Variants in PRORP observed in about 807,000 individuals in gnomAD.
PRORP encodes the protein mitochondrial ribonuclease P catalytic subunit.
Under a neutral mutation model 59.4 loss-of-function variants are expected in PRORP, and 51 were observed. The ratio of observed to expected loss-of-function variants is 0.86; its 90% CI spans 0.69 to 1.08. PRORP has a LOEUF of 1.08. Ranked by LOEUF, PRORP falls within the 50% of genes least tolerant of loss-of-function variation. The probability of loss-of-function intolerance (pLI) is 0.00; values close to 1 mark genes in which losing one functional copy is unlikely to be tolerated. For synonymous variants in PRORP, 231 were observed against 245.6 expected (o/e 0.94, Z 0.55); for missense variants, 646 against 690.3 (o/e 0.94, Z 0.72).
At chr14:35,249,916 T>C (rs1316757751) in intron 5 of PRORP, among the ~76,000 whole-genome samples, 1 of 152,100 alleles carries the variant, frequency 6.6e-6, no homozygotes, top group Non-Finnish European at 1.5e-5. Context: ...ACTAAATCAC[T>C]TTACATCCTC....
chr14:35,202,670 C>A (rs1388012478), intron 5 of PRORP, among the ~76,000 whole-genome samples: 1 of 152,056 alleles, frequency 6.6e-6, no homozygotes, highest in East Asian at 1.9e-4. Flanking sequence ...CCTTCTATCA[C>A]CCAGGCTGGA....
At chr14:35,216,323 T>A (rs2049593820) in intron 5 of PRORP, among the ~76,000 whole-genome samples, 1 of 151,292 alleles carries the variant, frequency 6.6e-6, no homozygotes, top group Non-Finnish European at 1.5e-5. Flanking sequence ...GTTGTTGTTG[T>A]TGTTTTGACA....
At chr14:35,250,441 G>A (rs149882178) in intron 5 of PRORP, among the ~76,000 whole-genome samples, 115 of 152,180 alleles carry the variant, frequency 7.6e-4, no homozygotes, top group South Asian at 1.7e-3. Flanking sequence ...AACTTCCTCC[G>A]GTTCCTGAAG....
intron 5 of PRORP, among the ~76,000 whole-genome samples, chr14:35,247,426 C>T (rs1377904686): frequency 6.6e-6 from 1 of 152,090 alleles, no homozygotes; most frequent in Non-Finnish European, 1.5e-5. Flanking sequence ...TACCAGAAAA[C>T]AGAATCCATA....
At chr14:35,148,215 C>T (rs957167955) in intron 4 of PRORP, among the ~76,000 whole-genome samples, 3 of 152,234 alleles carry the variant, frequency 2.0e-5, no homozygotes, top group Admixed American at 1.3e-4. Flanking sequence ...TCAGAGCAAT[C>T]ACTGTCTATG....
At chr14:35,126,872 G>A (rs2047111474) in intron 3 of PRORP, 90 bp downstream of exon 3, 1 of 931,696 alleles carries the variant, frequency 1.1e-6, no homozygotes, top group African/African-American at 1.7e-5. Flanking sequence ...AACACCTTAA[G>A]GGTAGGATAA....
chr14:35,209,955 C>T (rs976255958), intron 5 of PRORP, among the ~76,000 whole-genome samples: 1 of 152,166 alleles, frequency 6.6e-6, no homozygotes, highest in African/African-American at 2.4e-5. Flanking sequence ...TATATCTTCT[C>T]TGATTTTCAC....
chr14:35,216,491 T>C (rs1348855481), intron 5 of PRORP, among the ~76,000 whole-genome samples: 1 of 152,140 alleles, frequency 6.6e-6, no homozygotes, highest in Non-Finnish European at 1.5e-5. Context: ...TTATTTTTAG[T>C]AGAGATGAGG....
At chr14:35,181,168 A>G (rs1343624840) in intron 5 of PRORP, among the ~76,000 whole-genome samples, 1 of 152,098 alleles carries the variant, frequency 6.6e-6, no homozygotes, top group Non-Finnish European at 1.5e-5. Context: ...TTAATCACTC[A>G]TTACTCACAT....
At chr14:35,264,921 G>A (rs2051003088) in intron 5 of PRORP, among the ~76,000 whole-genome samples, 1 of 152,140 alleles carries the variant, frequency 6.6e-6, no homozygotes, top group Non-Finnish European at 1.5e-5. Context: ...CCCAGGAGGT[G>A]GAGGTTGCAG....
At chr14:35,197,178 A>G (rs1264084037) in intron 5 of PRORP, among the ~76,000 whole-genome samples, 1 of 152,154 alleles carries the variant, frequency 6.6e-6, no homozygotes, top group African/African-American at 2.4e-5. Flanking sequence ...TGTGTCATTG[A>G]TAATGTCTGT....
At chr14:35,197,318 T>C (rs189030584) in intron 5 of PRORP, among the ~76,000 whole-genome samples, 3 of 152,284 alleles carry the variant, frequency 2.0e-5, no homozygotes, top group Admixed American at 6.5e-5. Flanking sequence ...GAAAATATAA[T>C]ATCCATTTTA....
intron 5 of PRORP, among the ~76,000 whole-genome samples, chr14:35,201,045 G>A (rs894150734): frequency 1.3e-5 from 2 of 152,132 alleles, no homozygotes; most frequent in Non-Finnish European, 2.9e-5. Flanking sequence ...CAAATATTTT[G>A]TAGAATGTCC....
intron 5 of PRORP, among the ~76,000 whole-genome samples, chr14:35,205,177 G>C (rs2139144822): frequency 6.6e-6 from 1 of 152,008 alleles, no homozygotes; most frequent in African/African-American, 2.4e-5. Context: ...AAAAAAATAT[G>C]CAGTTTTTGT....
At chr14:35,122,210 A>G (rs558326288), upstream of PRORP, 43 of 501,884 alleles carry the variant, frequency 8.6e-5, no homozygotes, top group Non-Finnish European at 1.3e-4. Context: ...TTCAGAGGCG[A>G]CCCAAGCTCA....
At chr14:35,243,797 A>C (rs767430584) in intron 5 of PRORP, among the ~76,000 whole-genome samples, 1 of 152,136 alleles carries the variant, frequency 6.6e-6, no homozygotes, top group Non-Finnish European at 1.5e-5. Context: ...ATGGTACCAA[A>C]TTCATAAGGG....
intron 4 of PRORP, among the ~76,000 whole-genome samples, chr14:35,145,735 A>C (rs2138864795): frequency 9.1e-6 from 1 of 110,220 alleles, no homozygotes; most frequent in African/African-American, 3.3e-5. Flanking sequence ...GAAAGAAAGA[A>C]GGAAGGAAGG....
intron 4 of PRORP, among the ~76,000 whole-genome samples, chr14:35,174,724 T>C (rs1244994286): frequency 6.7e-6 from 1 of 149,200 alleles, no homozygotes; most frequent in Non-Finnish European, 1.5e-5. Flanking sequence ...TTAGAGATTT[T>C]GACAGTTCAT....
chr14:35,146,669 T>C (rs2047618439), intron 4 of PRORP, among the ~76,000 whole-genome samples: 1 of 152,192 alleles, frequency 6.6e-6, no homozygotes, highest in Non-Finnish European at 1.5e-5. Context: ...CTGCAAAATA[T>C]AGTTTTAAAC....
Sources: allele counts gnomAD v4.1 joint callset (sites outside exome capture counted in the v4.1 genomes callset), GRCh38; gene constraint gnomAD v4.1.1; transcripts MANE v1.5; gene names NCBI Gene and HGNC (gene_info 2026-07-23, HGNC 2026-07-21).